The following MICAL3 variants were observed in gnomAD, a reference collection of about 807,000 sequenced individuals.
MICAL3 encodes microtubule associated monooxygenase, calponin and LIM domain containing 3.
Under a neutral mutation model 207.4 loss-of-function variants are expected in MICAL3, and 62 were observed. The observed-to-expected ratio is 0.30, with a 90% CI of 0.24 to 0.37. The LOEUF (loss-of-function observed/expected upper bound fraction) is 0.37. Ranked by LOEUF, MICAL3 falls within the 10% of genes least tolerant of loss-of-function variation. The pLI is 1.00. For missense variants in MICAL3, 2,368 were observed against 2,635.6 expected (o/e 0.90, Z 2.22); for synonymous variants, 1,077 against 1,069.3 (o/e 1.01, Z -0.14).
rs748178599 is a variant in MICAL3, at chr22:17,884,304, G to A, written c.2241+1574C>T. ...TTCCACCGGGGGGTGGGGGCAGGGC[G>A]AACCTGCCCAGGCAGGCAGCAGGAC... On this transcript the variant is annotated intron_variant, in intron 16 of 31. Coordinates refer to ENST00000441493, the MANE Select transcript of MICAL3 (RefSeq NM_015241.3). 57 of 1,591,332 alleles carry A rather than the reference G, an allele frequency of 3.6e-5. No homozygotes were observed. The African/African-American group carries it at 5.3e-4, about 15-fold the overall frequency.
In MICAL3 at chr22:17,900,126, T is replaced by C. The variant is rs1569124422; in HGVS notation, c.848-578A>G. On this transcript the variant is annotated intron_variant, in intron 6 of 31. Coordinates refer to ENST00000441493, the MANE Select transcript of MICAL3 (RefSeq NM_015241.3). The surrounding 1 kb of genome is among the most constrained non-coding windows in gnomAD (Gnocchi z 4.0). ...TCGCTATCTGACACACGGTTTGCCT[T>C]CAAGCCTGAGCTGGAACTCAGGAAG... is the stretch of plus-strand genomic sequence containing the variant. Among the ~76,000 whole-genome samples the C allele has an allele frequency of 6.6e-6, 1 of 152,216 alleles. No individual in the cohort carries two copies. The highest frequency in any genetic ancestry group is 1.5e-5 in the Non-Finnish European group (1 of 68,034).
chr22:17,831,832 G>A (rs1415766406), intron 21 of MICAL3, 22 bp downstream of exon 21: 51 of 1,547,092 alleles, frequency 3.3e-5, no homozygotes, highest in South Asian at 4.8e-5. Flanking sequence ...GGCAGAGTTC[G>A]GAGCAGAGAT....
intron 1 of MICAL3, among the ~76,000 whole-genome samples, chr22:17,931,138 C>T (rs1282215056): frequency 6.6e-6 from 1 of 152,172 alleles, no homozygotes; most frequent in Non-Finnish European, 1.5e-5. Context: ...CCCTGGTCCC[C>T]CAACTTGTGG....
intron 29 of MICAL3, among the ~76,000 whole-genome samples, chr22:17,804,235 C>T (rs749304392): frequency 6.6e-6 from 1 of 152,130 alleles, no homozygotes; most frequent in African/African-American, 2.4e-5. Flanking sequence ...GTTAATAGAG[C>T]GGGGCTGCCT....
chr22:17,990,263 G>A (rs1481491764), intron 1 of MICAL3, among the ~76,000 whole-genome samples: 1 of 152,130 alleles, frequency 6.6e-6, no homozygotes, highest in South Asian at 2.1e-4. Flanking sequence ...CCCCCTTGGA[G>A]GGCACTGTTC....
intron 16 of MICAL3, among the ~76,000 whole-genome samples, chr22:17,880,990 T>C (rs765166892): frequency 1.5e-4 from 23 of 152,226 alleles, no homozygotes; most frequent in Non-Finnish European, 2.8e-4. Context: ...GTTTCCATGA[T>C]GTGGGTGGGA....
At chr22:17,975,980 C>G (rs1385903489) in intron 1 of MICAL3, among the ~76,000 whole-genome samples, 1 of 151,828 alleles carries the variant, frequency 6.6e-6, no homozygotes, top group African/African-American at 2.4e-5. Context: ...AACCGGGAGG[C>G]AGAGGTTGCA....
intron 29 of MICAL3, among the ~76,000 whole-genome samples, chr22:17,808,364 C>T (rs761247933): frequency 1.3e-5 from 2 of 152,158 alleles, no homozygotes; most frequent in African/African-American, 2.4e-5. Flanking sequence ...CTGTGTGTGC[C>T]GAGGGTGGCC....
intron 15 of MICAL3, among the ~76,000 whole-genome samples, chr22:17,886,923 G>A (rs1448102506): frequency 2.1e-5 from 3 of 145,802 alleles, no homozygotes; most frequent in Non-Finnish European, 4.5e-5. Flanking sequence ...AGGAAGTGGA[G>A]GTTGCAGTGA....
At position 17,984,866 on chromosome 22, in the gene MICAL3, C is replaced by G. The variant is rs1274006779; in HGVS notation, c.-75+39415G>C. Among the ~76,000 whole-genome samples the G allele has an allele frequency of 5.9e-5, 9 of 152,304 alleles. No individual in the cohort carries two copies. The East Asian group carries it at 1.5e-3, about 26-fold the overall frequency. On this transcript the variant is annotated intron_variant, in intron 1 of 31. Transcript: ENST00000441493. ...GTTAAATAATCCACCCAAAGCCACA[C>G]GAGTAGCAAGTGGTGAAGCCACAAC...
intron 1 of MICAL3, among the ~76,000 whole-genome samples, chr22:17,968,210 G>A (rs958137757): frequency 1.3e-5 from 2 of 152,154 alleles, no homozygotes; most frequent in African/African-American, 2.4e-5. Flanking sequence ...AGGAAATGGC[G>A]AGAATTCACA....
In MICAL3 at chr22:17,944,525, G is replaced by C. The variant is rs540969220; in HGVS notation, c.-74-37639C>G. Among the ~76,000 whole-genome samples the C allele has an allele frequency of 2.6e-4, 39 of 152,286 alleles. 1 individual carries two copies. The Middle Eastern group carries it at 0.02, about 80-fold the overall frequency. ...AGTCGGAGGCAGGGAGAGCAGAGCC[G>C]ACCCAGCCTCCGCTTTGCTAATGGC... is the stretch of plus-strand genomic sequence containing the variant. On this transcript the variant is annotated intron_variant, in intron 1 of 31. Coordinates refer to ENST00000441493, the MANE Select transcript of MICAL3 (RefSeq NM_015241.3).
intron 2 of MICAL3, 29 bp from the exon 3 acceptor site, chr22:17,904,868 G>C: frequency 6.6e-7 from 1 of 1,518,878 alleles, no homozygotes. Context: ...TTCAGGGCAG[G>C]CGGCACTTCC....
At chr22:17,891,359 G>T in intron 12 of MICAL3, 126 bp downstream of exon 12, 1 of 751,738 alleles carries the variant, frequency 1.3e-6, no homozygotes, top group Non-Finnish European at 2.2e-6. Context: ...CAAAATCACT[G>T]CCTTCTAGAG....
At chr22:18,013,202 G>A (rs1358158636) in intron 1 of MICAL3, among the ~76,000 whole-genome samples, 1 of 152,190 alleles carries the variant, frequency 6.6e-6, no homozygotes, top group Non-Finnish European at 1.5e-5. Context: ...CAGCTGGCCT[G>A]GCTCTCATCC....
chr22:17,976,286 C>G (rs180794636), intron 1 of MICAL3, among the ~76,000 whole-genome samples: 462 of 152,048 alleles, frequency 3.0e-3, no homozygotes, highest in Middle Eastern at 0.014. Flanking sequence ...GTGTCTTATA[C>G]TAGAGTAAAT....
chr22:17,865,037 A>G (rs1465061708), intron 18 of MICAL3, 51 bp from the exon 19 acceptor site: 2 of 1,545,162 alleles, frequency 1.3e-6, no homozygotes, highest in Non-Finnish European at 1.7e-6. Flanking sequence ...ATGCACTCAA[A>G]TCCTCAAATC....
chr22:18,016,420 G>A (rs1291130418), intron 1 of MICAL3, among the ~76,000 whole-genome samples: 7 of 151,888 alleles, frequency 4.6e-5, no homozygotes, highest in South Asian at 2.1e-4. Context: ...ATTCTTTTTC[G>A]TGTGCAGTTC....
intron 19 of MICAL3, among the ~76,000 whole-genome samples, chr22:17,845,099 G>A (rs1014145838): frequency 6.6e-6 from 1 of 152,214 alleles, no homozygotes. Context: ...GAAAGCAGAT[G>A]AGAAAGGGAG....
Sources: gnomAD v4.1 joint callset for allele counts (sites outside exome capture counted in the v4.1 genomes callset) on GRCh38, gnomAD v4.1.1 for gene constraint, Gnocchi (gnomAD v3.1) non-coding constraint, MANE v1.5 for transcripts, NCBI Gene and HGNC (gene_info 2026-07-23, HGNC 2026-07-21) for gene names.